Variants in AK9 observed in about 807,000 individuals in gnomAD.
AK9 encodes the protein adenylate kinase 9.
Under a neutral mutation model 239.6 loss-of-function variants are expected in AK9, and 191 were observed. The ratio of observed to expected loss-of-function variants is 0.80; its 90% CI spans 0.71 to 0.90. The LOEUF (loss-of-function observed/expected upper bound fraction) is 0.90. Among genes scored for constraint, AK9 ranks in the 40% least tolerant of loss-of-function variants. AK9 has a pLI of 0.00. For missense variants in AK9, 1,995 were observed against 2,214.7 expected (o/e 0.90, Z 1.99); for synonymous variants, 689 against 721.0 (o/e 0.96, Z 0.71).
intron 12 of AK9, among the ~76,000 whole-genome samples, chr6:109,623,288 A>G (rs1795096029): frequency 2.0e-5 from 3 of 152,206 alleles, no homozygotes; most frequent in South Asian, 4.1e-4. Flanking sequence ...TAGTGTAACT[A>G]GAACTTAGTA....
chr6:109,509,167 C>T lies in AK9; in HGVS notation c.4481+12G>A. The T allele has an allele frequency of 6.4e-7, 1 of 1,550,950 alleles. No individual in the cohort carries two copies. ...ACTCCCTCTGTCCCATCCTCTCACC[C>T]CATTCACTTACCCTGCAGTATTGCA... On this transcript the variant is annotated intron_variant, in intron 33 of 40. Coordinates refer to ENST00000424296, the MANE Select transcript of AK9 (RefSeq NM_001145128.3).
At chr6:109,662,388 A>G (rs1800550505) in intron 6 of AK9, among the ~76,000 whole-genome samples, 163 bp downstream of exon 6, 1 of 152,218 alleles carries the variant, frequency 6.6e-6, no homozygotes, top group African/African-American at 2.4e-5. Context: ...ATGGAGCTTT[A>G]GGAGCAAGAG....
At chr6:109,588,086 T>C (rs925595096) in intron 17 of AK9, among the ~76,000 whole-genome samples, 1 of 151,984 alleles carries the variant, frequency 6.6e-6, no homozygotes, top group Non-Finnish European at 1.5e-5. Flanking sequence ...TCTTTTTTTT[T>C]TTGAGACGGA....
At chr6:109,652,090 A>C (rs1200813150) in intron 8 of AK9, among the ~76,000 whole-genome samples, 1 of 152,196 alleles carries the variant, frequency 6.6e-6, no homozygotes, top group Non-Finnish European at 1.5e-5. Context: ...AGCCTGTCAG[A>C]GAAACAACAA....
At chr6:109,649,913 G>C (rs1424099735) in intron 8 of AK9, among the ~76,000 whole-genome samples, 4 of 151,796 alleles carry the variant, frequency 2.6e-5, no homozygotes, top group Non-Finnish European at 4.4e-5. Flanking sequence ...CAGAACAGAG[G>C]CCTCAGAAAT....
Position 109,554,966 on chromosome 6 carries a change from T to C in AK9, c.2752-4664A>G, listed in dbSNP as rs138024424. The stretch of plus-strand genomic sequence containing the variant: ...GTTAATTTTTTAAAAAACTAACTCC[T>C]GGATTCATTGGTATTTCGGAAGGTT... On this transcript the variant is annotated intron_variant, in intron 24 of 40. Coordinates refer to ENST00000424296, the MANE Select transcript of AK9 (RefSeq NM_001145128.3). 2.8e-3 allele frequency among the ~76,000 whole-genome samples: 422 copies of C among 152,326 alleles called. 1 individual carries two copies. Among genetic ancestry groups the C allele is most frequent in the African/African-American group, 9.7e-3 (403 of 41,580 alleles).
At chr6:109,622,202 G>A (rs1274870812) in intron 12 of AK9, among the ~76,000 whole-genome samples, 3 of 141,440 alleles carry the variant, frequency 2.1e-5, no homozygotes, top group African/African-American at 7.7e-5. Context: ...TATACATATT[G>A]TATATATTTT....
intron 12 of AK9, 31 bp from the exon 13 acceptor site, chr6:109,619,267 A>C: frequency 1.3e-6 from 2 of 1,532,146 alleles, no homozygotes; most frequent in Non-Finnish European, 1.8e-6. Context: ...AATCGACATA[A>C]GCAGGAGTTA....
At chr6:109,514,494 C>T (rs1779069902) in intron 31 of AK9, 57 bp from the exon 32 acceptor site, 1 of 1,377,256 alleles carries the variant, frequency 7.3e-7, no homozygotes, top group African/African-American at 1.5e-5. Context: ...CAGCACTTCC[C>T]TGAAACATAT....
chr6:109,661,876 T>C (rs891043040), intron 6 of AK9, among the ~76,000 whole-genome samples: 4 of 152,232 alleles, frequency 2.6e-5, no homozygotes, highest in African/African-American at 9.6e-5. Context: ...TTGTCATTTT[T>C]GTAAAAAGGA....
chr6:109,653,672 A>AT (rs71721169), intron 8 of AK9, among the ~76,000 whole-genome samples: 15,342 of 85,022 alleles, frequency 0.18, 1,484 homozygotes, highest in East Asian at 0.5. Flanking sequence ...TCTTGTTTAG[A>AT]TTTTTTTTTT....
chr6:109,588,914 A>G (rs1789868206), intron 17 of AK9, among the ~76,000 whole-genome samples: 2 of 152,058 alleles, frequency 1.3e-5, no homozygotes, highest in African/African-American at 4.8e-5. Context: ...TTGGTTCTCT[A>G]TTCTTTTCTA....
chr6:109,529,210 G>A, intron 28 of AK9, 137 bp from the exon 29 acceptor site: 1 of 975,328 alleles, frequency 1.0e-6, no homozygotes, highest in Non-Finnish European at 1.4e-6. Flanking sequence ...AGGATGTGAT[G>A]GCGGTAATCA....
At chr6:109,575,652 C>T (rs958816523) in intron 20 of AK9, among the ~76,000 whole-genome samples, 1 of 152,066 alleles carries the variant, frequency 6.6e-6, no homozygotes, top group Non-Finnish European at 1.5e-5. Context: ...CTGATTATTT[C>T]TTTTGCTGTG....
At chr6:109,581,460 T>C (rs1788850441) in intron 19 of AK9, among the ~76,000 whole-genome samples, 2 of 152,174 alleles carry the variant, frequency 1.3e-5, no homozygotes, top group African/African-American at 2.4e-5. Context: ...AGCCTTACTA[T>C]TGATATGGAG....
chr6:109,533,588 T>C (rs1781560994), intron 27 of AK9, 118 bp from the exon 28 acceptor site: 3 of 696,238 alleles, frequency 4.3e-6, no homozygotes, highest in Admixed American at 8.0e-5. Flanking sequence ...ACACCTTGAA[T>C]ATATACATTC....
intron 29 of AK9, chr6:109,528,340 A>T (rs1013141664): frequency 1.7e-4 from 62 of 357,578 alleles, no homozygotes; most frequent in Non-Finnish European, 2.9e-4. Context: ...CATTATAATG[A>T]GGCTACGATT....
chr6:109,493,922 C>A, intron 40 of AK9, 59 bp downstream of exon 40: 1 of 1,303,226 alleles, frequency 7.7e-7, no homozygotes, highest in South Asian at 1.3e-5. Flanking sequence ...CTATTCATCA[C>A]TTATACTACC....
At chr6:109,521,762 G>A (rs9320292) in intron 29 of AK9, among the ~76,000 whole-genome samples, 13,077 of 152,052 alleles carry the variant, frequency 0.086, 921 homozygotes, top group African/African-American at 0.19. Flanking sequence ...TAAGTAGAAT[G>A]TTTCTAGTAT....
Sources: allele counts gnomAD v4.1 joint callset (sites outside exome capture counted in the v4.1 genomes callset), GRCh38; gene constraint gnomAD v4.1.1; transcripts MANE v1.5; gene names NCBI Gene and HGNC (gene_info 2026-07-23, HGNC 2026-07-21).